TNNI3K: variants seen among roughly 807,000 people sequenced by gnomAD.
The protein encoded by TNNI3K is serine/threonine-protein kinase TNNI3K.
Under a neutral mutation model 114.5 loss-of-function variants are expected in TNNI3K, and 140 were observed. The observed-to-expected ratio is 1.22, with a 90% CI of 1.07 to 1.41. TNNI3K has a LOEUF of 1.41. Among genes scored for constraint, TNNI3K ranks in the 40% most tolerant of loss-of-function variants. The pLI is 0.00. For missense variants in TNNI3K, 1,125 were observed against 1,007.6 expected (o/e 1.12, Z -1.58); for synonymous variants, 347 against 347.5 (o/e 1.00, Z 0.02).
At chr1:74,515,338 G>T (rs918098487) in intron 23 of TNNI3K, among the ~76,000 whole-genome samples, 1 of 152,106 alleles carries the variant, frequency 6.6e-6, no homozygotes, top group African/African-American at 2.4e-5. Context: ...CATCATTTGG[G>T]ACTATGCGGA....
intron 23 of TNNI3K, among the ~76,000 whole-genome samples, chr1:74,533,388 C>A (rs924084969): frequency 6.6e-6 from 1 of 152,090 alleles, no homozygotes. Context: ...GTTAGAATGG[C>A]GATCATTAAA....
intron 16 of TNNI3K, 139 bp downstream of exon 16, chr1:74,369,724 G>C: frequency 1.0e-6 from 1 of 974,058 alleles, no homozygotes; most frequent in Non-Finnish European, 1.4e-6. Context: ...TTTTAATATC[G>C]CTAATAATTT....
Position 74,473,608 on chromosome 1 carries a change from C to T in TNNI3K, c.2121+10058C>T, listed in dbSNP as rs1668045982. 2.0e-5 allele frequency among the ~76,000 whole-genome samples: 3 copies of T among 151,728 alleles called. No homozygotes were observed. The Middle Eastern group carries it at 0.01, about 516-fold the overall frequency. On this transcript the variant is annotated intron_variant, in intron 21 of 24. Coordinates refer to ENST00000326637, the MANE Select transcript of TNNI3K (RefSeq NM_015978.3). ...TTTTAGTAGACAGGAGATGTACTCT[C>T]AGCTCCTAAGGGTGGGGATACTCCA...
intron 23 of TNNI3K, among the ~76,000 whole-genome samples, chr1:74,498,188 A>G (rs1340798742): frequency 6.6e-6 from 1 of 152,206 alleles, no homozygotes; most frequent in African/African-American, 2.4e-5. Flanking sequence ...GTTCCCATAA[A>G]CACCCCATGT....
At chr1:74,421,950 TTTATTA>T (rs137874168) in intron 17 of TNNI3K, among the ~76,000 whole-genome samples, 7,614 of 145,294 alleles carry the variant, frequency 0.052, 322 homozygotes, top group East Asian at 0.12. Flanking sequence ...CTGGATTGCT[TTTATTA>T]TTATTATTAT....
intron 23 of TNNI3K, among the ~76,000 whole-genome samples, chr1:74,519,621 G>A (rs1024914030): frequency 7.2e-5 from 11 of 152,114 alleles, no homozygotes; most frequent in Non-Finnish European, 1.5e-4. Context: ...AAAATCATAA[G>A]AAAGCCAGAA....
intron 23 of TNNI3K, among the ~76,000 whole-genome samples, chr1:74,537,389 T>G (rs1646672922): frequency 1.3e-5 from 2 of 152,176 alleles, no homozygotes; most frequent in Non-Finnish European, 2.9e-5. Context: ...ATACTTTGTC[T>G]TCTTCTTAAG....
At chr1:74,535,594 G>A (rs1402478543) in intron 23 of TNNI3K, among the ~76,000 whole-genome samples, 2 of 152,168 alleles carry the variant, frequency 1.3e-5, no homozygotes, top group South Asian at 2.1e-4. Flanking sequence ...GAGCCAAGAG[G>A]TGCTTCAGTC....
chr1:74,246,711 T>C (rs1306156428), intron 2 of TNNI3K, among the ~76,000 whole-genome samples: 1 of 152,224 alleles, frequency 6.6e-6, no homozygotes, highest in African/African-American at 2.4e-5. Flanking sequence ...ATGAACTTAA[T>C]GGCAAATACT....
chr1:74,295,563 T>C (rs1002135486), intron 5 of TNNI3K, among the ~76,000 whole-genome samples: 2 of 152,172 alleles, frequency 1.3e-5, no homozygotes, highest in African/African-American at 2.4e-5. Context: ...AATTGCTATA[T>C]TTTCTTGATT....
At chr1:74,499,587 C>G (rs943720942) in intron 23 of TNNI3K, among the ~76,000 whole-genome samples, 4 of 151,530 alleles carry the variant, frequency 2.6e-5, no homozygotes, top group African/African-American at 9.8e-5. Flanking sequence ...AGTAATATCT[C>G]CAGTTTCAGG....
chr1:74,352,396 GT>G (rs1661406762), intron 9 of TNNI3K, among the ~76,000 whole-genome samples: 2 of 152,322 alleles, frequency 1.3e-5, no homozygotes, highest in South Asian at 4.1e-4. Flanking sequence ...ATGCCTCCCA[GT>G]TAGGCTACTC....
intron 21 of TNNI3K, among the ~76,000 whole-genome samples, chr1:74,476,225 T>C (rs1668200208): frequency 6.6e-6 from 1 of 152,178 alleles, no homozygotes; most frequent in African/African-American, 2.4e-5. Context: ...CTATGTAGTT[T>C]GTCCTCTGAA....
chr1:74,543,861 A>G lies in TNNI3K; in HGVS notation c.2432-45A>G, dbSNP rs377447566. 8 of 1,611,214 alleles carry G rather than the reference A, an allele frequency of 5.0e-6. No individual in the cohort carries two copies. The African/African-American group carries it at 9.4e-5, about 19-fold the overall frequency. On this transcript the variant is annotated intron_variant, in intron 24 of 24. Transcript: ENST00000326637. The stretch of plus-strand genomic sequence containing the variant: ...CTGGTTATAAAAAATTGGGGGATGT[A>G]CTGAAAGACTAGTAAGTAACAACTG...
intron 23 of TNNI3K, among the ~76,000 whole-genome samples, chr1:74,520,854 A>G (rs780753787): frequency 6.6e-6 from 1 of 152,026 alleles, no homozygotes; most frequent in Non-Finnish European, 1.5e-5. Flanking sequence ...TTAGATCTGG[A>G]AGGTACATAT....
chr1:74,280,130 C>CCCACCACTT (rs1217522175), intron 5 of TNNI3K, among the ~76,000 whole-genome samples: 1 of 152,146 alleles, frequency 6.6e-6, no homozygotes, highest in Non-Finnish European at 1.5e-5. Context: ...CGCCTGTAAT[C>CCCACCACTT]CCACCACTTT....
intron 2 of TNNI3K, 43 bp from the exon 3 acceptor site, chr1:74,249,416 T>C: frequency 6.4e-7 from 1 of 1,574,632 alleles, no homozygotes; most frequent in Non-Finnish European, 8.6e-7. Context: ...GACAATATGC[T>C]AAAAGATGAA....
intron 23 of TNNI3K, among the ~76,000 whole-genome samples, chr1:74,494,985 GCTT>G (rs1341102181): frequency 1.3e-5 from 2 of 152,192 alleles, no homozygotes; most frequent in African/African-American, 4.8e-5. Flanking sequence ...AGGGGACAGA[GCTT>G]CTCTAGCCTT....
intron 4 of TNNI3K, among the ~76,000 whole-genome samples, chr1:74,258,164 A>G (rs1330188857): frequency 5.3e-5 from 8 of 152,140 alleles, no homozygotes. Flanking sequence ...CCTTTTAGCA[A>G]TAAATCAGGT....
Sources: allele counts gnomAD v4.1 joint callset (sites outside exome capture counted in the v4.1 genomes callset), GRCh38; gene constraint gnomAD v4.1.1; transcripts MANE v1.5; gene names NCBI Gene and HGNC (gene_info 2026-07-23, HGNC 2026-07-21).